IL31RA: variants seen among roughly 807,000 people sequenced by gnomAD.
IL31RA encodes the protein interleukin-31 receptor subunit alpha.
In IL31RA, 66 loss-of-function variants were observed where a neutral mutation model predicts 83.7. The observed-to-expected ratio is 0.79, with a 90% CI of 0.65 to 0.97. IL31RA has a LOEUF of 0.97. Ranked by LOEUF, IL31RA falls within the 50% of genes least tolerant of loss-of-function variation. IL31RA has a pLI of 0.00. For synonymous variants in IL31RA, 325 were observed against 329.0 expected, an observed-to-expected ratio of 0.99 and a Z score of 0.13; for missense variants, 798 against 919.4, an observed-to-expected ratio of 0.87 and a Z score of 1.71.
intron 7 of IL31RA, among the ~76,000 whole-genome samples, chr5:55,898,003 C>T (rs886968974): frequency 2.6e-5 from 4 of 152,170 alleles, no homozygotes; most frequent in Non-Finnish European, 4.4e-5. Flanking sequence ...CCTCCACACC[C>T]GCAGGGCTAT....
chr5:55,905,027 C>T (rs1053629142), intron 8 of IL31RA, among the ~76,000 whole-genome samples: 15 of 151,164 alleles, frequency 9.9e-5, no homozygotes, highest in African/African-American at 3.6e-4. Flanking sequence ...TGGTGAAACC[C>T]CATCTCTACT....
chr5:55,901,845 C>T (rs1027994855), intron 8 of IL31RA, among the ~76,000 whole-genome samples: 3 of 151,992 alleles, frequency 2.0e-5, no homozygotes, highest in Non-Finnish European at 4.4e-5. Flanking sequence ...GAACTCCTGA[C>T]CTCAGGTGAT....
At chr5:55,888,943 A>G (rs1747809289) in intron 5 of IL31RA, among the ~76,000 whole-genome samples, 1 of 152,186 alleles carries the variant, frequency 6.6e-6, no homozygotes, top group African/African-American at 2.4e-5. Context: ...ATTAGGTACT[A>G]ATTTTCACAG....
chr5:55,883,559 G>A (rs112342792), intron 5 of IL31RA, among the ~76,000 whole-genome samples: 2,816 of 152,148 alleles, frequency 0.019, 68 homozygotes, highest in Non-Finnish European at 0.024. Flanking sequence ...ACATACATTT[G>A]GAAAGGTGAA....
intron 2 of IL31RA, among the ~76,000 whole-genome samples, chr5:55,861,491 A>G (rs1007302810): frequency 3.2e-4 from 49 of 152,300 alleles, no homozygotes; most frequent in African/African-American, 1.1e-3. Context: ...CCTTATGATA[A>G]TCTAATGCCT....
chr5:55,858,478 A>C (rs567130188), intron 1 of IL31RA, among the ~76,000 whole-genome samples: 80 of 152,352 alleles, frequency 5.3e-4, no homozygotes, highest in African/African-American at 1.9e-3. Flanking sequence ...ATTTAAATCA[A>C]AATGGCTATC....
upstream of IL31RA, among the ~76,000 whole-genome samples, chr5:55,847,466 C>T (rs868105141): frequency 4.0e-5 from 6 of 151,738 alleles, no homozygotes; most frequent in Admixed American, 2.6e-4. Flanking sequence ...CCTGTAATCC[C>T]AGCTATTCTG....
chr5:55,883,256 A>G lies in IL31RA; in HGVS notation c.606+61A>G, dbSNP rs1490134622. On this transcript the variant is annotated intron_variant, in intron 5 of 14. Coordinates refer to ENST00000652347, the MANE Select transcript of IL31RA (RefSeq NM_139017.7). ...GGCCCAGAGGAAAAGAATCATTGAC[A>G]ACTATTGTTGACCTGGAATCATTAT... The G allele has an allele frequency of 7.3e-6, 10 of 1,369,192 alleles. No individual in the cohort carries two copies. The South Asian group carries it at 1.2e-4, about 16-fold the overall frequency. 84.8% of individuals were successfully genotyped at this position (1,369,192 alleles called of 1,614,324 possible).
At chr5:55,849,684 C>A (rs66515940), upstream of IL31RA, among the ~76,000 whole-genome samples, 12,189 of 152,162 alleles carry the variant, frequency 0.08, 848 homozygotes, top group African/African-American at 0.19. Flanking sequence ...TTGGAAATAT[C>A]CCTCCTTGAG....
chr5:55,865,012 A>G (rs148317447), intron 2 of IL31RA, among the ~76,000 whole-genome samples: 1 of 152,152 alleles, frequency 6.6e-6, no homozygotes, highest in African/African-American at 2.4e-5. Flanking sequence ...GGGTGTTGCA[A>G]GCTAACCCTT....
Position 55,868,769 on chromosome 5 carries a change from T to C in IL31RA, c.155-22T>C, listed in dbSNP as rs1746338124. On this transcript the variant is annotated intron_variant, in intron 2 of 14. Transcript: ENST00000652347. ...GTACTGAAATTTTTGTGTTTGTGTGTGTGTGTGTTTAATTTATTTAGCTCT... is the reference window on the plus strand; with the variant it reads ...GTACTGAAATTTTTGTGTTTGTGTGCGTGTGTGTTTAATTTATTTAGCTCT... 2.4e-6 allele frequency: 3 copies of C among 1,245,556 alleles called. No individual in the cohort carries two copies. In the African/African-American group the frequency reaches 4.4e-5, roughly 18 times the overall value. The allele number at this position is 1,245,556 out of a possible 1,614,324, so 77.2% of individuals were successfully genotyped here. A position where few individuals can be genotyped will look rare whatever the true frequency, so the allele number is the denominator to read the frequency against.
rs1295993080 is a variant in IL31RA, at chr5:55,864,188, T to G, written c.154+4589T>G. Among the ~76,000 whole-genome samples, 2 of 152,158 alleles carry G rather than the reference T, an allele frequency of 1.3e-5. 1 individual carries two copies. The highest frequency in any genetic ancestry group is 3.8e-4 in the East Asian group (2 of 5,196). On this transcript the variant is annotated intron_variant, in intron 2 of 14. Transcript: ENST00000652347. The stretch of plus-strand genomic sequence containing the variant: ...TTTGAAATCCTCCGGCGAGTTAGTG[T>G]GACGAGTATGAGCGAAATGGGGGTG...
chr5:55,841,204 T>C, the IL31RA span, among the ~76,000 whole-genome samples: 1 of 152,218 alleles, frequency 6.6e-6, no homozygotes, highest in Non-Finnish European at 1.5e-5. Context: ...TGCTATATTA[T>C]AAAATAAAAC....
upstream of IL31RA, among the ~76,000 whole-genome samples, chr5:55,849,139 A>G (rs923267728): frequency 1.3e-5 from 2 of 152,206 alleles, no homozygotes; most frequent in African/African-American, 4.8e-5. Flanking sequence ...CTTACCACGA[A>G]TAACAGCAAT....
At chr5:55,842,593 G>C in the IL31RA span, among the ~76,000 whole-genome samples, 1 of 152,168 alleles carries the variant, frequency 6.6e-6, no homozygotes, top group African/African-American at 2.4e-5. Context: ...CATCCCTTAG[G>C]GCGGAATTAA....
chr5:55,910,390 T>G, intron 11 of IL31RA, 142 bp from the exon 12 acceptor site: 1 of 843,248 alleles, frequency 1.2e-6, no homozygotes, highest in Non-Finnish European at 2.0e-6. Flanking sequence ...TCTTGATATT[T>G]AAGCAGGACA....
intron 7 of IL31RA, among the ~76,000 whole-genome samples, chr5:55,898,031 G>C (rs1002093934): frequency 6.6e-6 from 1 of 152,208 alleles, no homozygotes; most frequent in Non-Finnish European, 1.5e-5. Flanking sequence ...CCTGGGTTGC[G>C]GAGGCGGTGC....
chr5:55,905,982 G>A, intron 8 of IL31RA, 124 bp from the exon 9 acceptor site: 1 of 916,968 alleles, frequency 1.1e-6, no homozygotes, highest in Non-Finnish European at 1.8e-6. Context: ...ATCCGGGGAG[G>A]CTGCAGTGGA....
At chr5:55,891,277 C>T (rs537033050) in intron 6 of IL31RA, among the ~76,000 whole-genome samples, 1 of 152,284 alleles carries the variant, frequency 6.6e-6, no homozygotes, top group South Asian at 2.1e-4. Context: ...CAGAGTCTGA[C>T]CCTCAGTGGA....
Sources: gnomAD v4.1 joint callset for allele counts (sites outside exome capture counted in the v4.1 genomes callset) on GRCh38, gnomAD v4.1.1 for gene constraint, MANE v1.5 for transcripts, NCBI Gene and HGNC (gene_info 2026-07-23, HGNC 2026-07-21) for gene names.